SPAG16: variants seen among roughly 807,000 people sequenced by gnomAD.
SPAG16 encodes sperm-associated antigen 16 protein.
SPAG16 carries 86 observed loss-of-function variants against 80.4 expected under a neutral mutation model. The ratio of observed to expected loss-of-function variants is 1.07; its 90% CI spans 0.90 to 1.28. The LOEUF (loss-of-function observed/expected upper bound fraction) is 1.28, where lower values mean the gene tolerates loss of function less well. SPAG16 is among the 50% of genes most tolerant of loss of function. The pLI, the probability that SPAG16 is intolerant of heterozygous loss-of-function variation, is 0.00. For missense variants in SPAG16, 870 were observed against 765.3 expected (o/e 1.14, Z -1.61); for synonymous variants, 294 against 265.9 (o/e 1.11, Z -1.03).
At chr2:213,914,705 C>G (rs2077866019) in intron 11 of SPAG16, among the ~76,000 whole-genome samples, 1 of 152,110 alleles carries the variant, frequency 6.6e-6, no homozygotes, top group Admixed American at 6.6e-5. Context: ...CACAAATATA[C>G]TTTATCAGCA....
chr2:214,091,349 G>C (rs1428699400), intron 13 of SPAG16, among the ~76,000 whole-genome samples: 1 of 152,058 alleles, frequency 6.6e-6, no homozygotes, highest in African/African-American at 2.4e-5. Flanking sequence ...AAGATATTTA[G>C]CAACTTACCA....
intron 9 of SPAG16, among the ~76,000 whole-genome samples, chr2:213,412,009 C>A (rs1378019368): frequency 6.6e-6 from 1 of 152,138 alleles, no homozygotes; most frequent in Non-Finnish European, 1.5e-5. Flanking sequence ...ATGTTCAATT[C>A]TTTGCCTTTT....
chr2:214,280,049 C>T (rs566177081), intron 15 of SPAG16, among the ~76,000 whole-genome samples: 5 of 152,198 alleles, frequency 3.3e-5, no homozygotes, highest in South Asian at 4.1e-4. Context: ...ATGACACCAA[C>T]GATCACTTTA....
At chr2:214,177,906 T>TATATATAC (rs1485754817) in intron 15 of SPAG16, among the ~76,000 whole-genome samples, 13 of 92,206 alleles carry the variant, frequency 1.4e-4, no homozygotes, top group Non-Finnish European at 2.3e-4. Flanking sequence ...TATACATATA[T>TATATATAC]ATATATATAC....
At chr2:214,347,160 C>G (rs1912215) in intron 15 of SPAG16, among the ~76,000 whole-genome samples, 1 of 151,896 alleles carries the variant, frequency 6.6e-6, no homozygotes, top group Non-Finnish European at 1.5e-5. Context: ...ACCCTGGCTA[C>G]GTAGCTGTGG....
chr2:213,543,353 G>A (rs371659150), intron 10 of SPAG16, among the ~76,000 whole-genome samples: 183 of 151,876 alleles, frequency 1.2e-3, no homozygotes, highest in Middle Eastern at 3.4e-3. Context: ...AGTTTTAGAC[G>A]TTGCAAGGAA....
intron 10 of SPAG16, among the ~76,000 whole-genome samples, chr2:213,496,564 T>C (rs1275093364): frequency 6.6e-6 from 1 of 152,082 alleles, no homozygotes; most frequent in African/African-American, 2.4e-5. Context: ...AGAAATAAAG[T>C]TACTAAGTAG....
At chr2:213,827,421 C>T (rs2073370596) in intron 10 of SPAG16, among the ~76,000 whole-genome samples, 1 of 151,984 alleles carries the variant, frequency 6.6e-6, no homozygotes, top group Admixed American at 6.6e-5. Flanking sequence ...CAACTTGACA[C>T]TCTTTGCATA....
At chr2:213,980,725 TAGAGAGAGAGAG>T (rs1553686631) in intron 12 of SPAG16, among the ~76,000 whole-genome samples, 3 of 103,990 alleles carry the variant, frequency 2.9e-5, no homozygotes, top group Admixed American at 1.1e-4. Context: ...TATATATATA[TAGAGAGAGAGAG>T]AGAGAGAGAG....
Position 213,449,428 on chromosome 2 carries a change from C to T in SPAG16, c.943-40535C>T, listed in dbSNP as rs184137680. ...GAAGCATGTGATCTTTGTACCTACCCTCTGTTCTTACACCCCCTCCCCTTT... is the reference window on the plus strand; with the variant it reads ...GAAGCATGTGATCTTTGTACCTACCTTCTGTTCTTACACCCCCTCCCCTTT... On this transcript the variant is annotated intron_variant, in intron 9 of 15. Transcript: ENST00000331683. 1.6e-3 allele frequency among the ~76,000 whole-genome samples: 249 copies of T among 152,234 alleles called. 1 individual carries two copies. Among genetic ancestry groups the T allele is most frequent in the Non-Finnish European group, 2.7e-3 (181 of 68,026 alleles).
At chr2:214,026,108 TC>T (rs1490391644) in intron 13 of SPAG16, among the ~76,000 whole-genome samples, 1 of 151,518 alleles carries the variant, frequency 6.6e-6, no homozygotes, top group Admixed American at 6.6e-5. Context: ...AATTTGTTTG[TC>T]CAAAAACAGT....
chr2:213,310,969 T>C (rs2063163254), intron 4 of SPAG16, among the ~76,000 whole-genome samples: 1 of 151,828 alleles, frequency 6.6e-6, no homozygotes, highest in South Asian at 2.1e-4. Context: ...AAATTTGCAA[T>C]GTATGGATAA....
At chr2:213,478,295 T>G (rs542278625) in intron 9 of SPAG16, among the ~76,000 whole-genome samples, 1 of 152,186 alleles carries the variant, frequency 6.6e-6, no homozygotes, top group African/African-American at 2.4e-5. Context: ...CAGGTACATT[T>G]AAATTTTGTC....
At chr2:213,947,681 C>T (rs2079535373) in intron 12 of SPAG16, among the ~76,000 whole-genome samples, 1 of 151,980 alleles carries the variant, frequency 6.6e-6, no homozygotes, top group African/African-American at 2.4e-5. Flanking sequence ...GTAAGCAAAA[C>T]TAAAACAAAT....
At chr2:213,967,565 C>T (rs903453707) in intron 12 of SPAG16, among the ~76,000 whole-genome samples, 1 of 151,946 alleles carries the variant, frequency 6.6e-6, no homozygotes, top group African/African-American at 2.4e-5. Context: ...TTTTAAAGAG[C>T]TCAATACAGA....
chr2:213,803,051 C>T (rs1202896978), intron 10 of SPAG16, among the ~76,000 whole-genome samples: 1 of 151,526 alleles, frequency 6.6e-6, no homozygotes, highest in Non-Finnish European at 1.5e-5. Flanking sequence ...CTATATCTGT[C>T]TATGAAGTAG....
intron 10 of SPAG16, among the ~76,000 whole-genome samples, chr2:213,749,922 A>G (rs1559435627): frequency 6.6e-6 from 1 of 152,184 alleles, no homozygotes; most frequent in Non-Finnish European, 1.5e-5. Flanking sequence ...AGCAGAATCC[A>G]TGACTTATTA....
chr2:213,537,323 T>G (rs1454534193), intron 10 of SPAG16, among the ~76,000 whole-genome samples: 2 of 151,716 alleles, frequency 1.3e-5, no homozygotes, highest in Non-Finnish European at 2.9e-5. Flanking sequence ...AATAATAAAA[T>G]AAAACAAACA....
chr2:214,394,909 T>C (rs1161295189), intron 15 of SPAG16, among the ~76,000 whole-genome samples: 1 of 152,220 alleles, frequency 6.6e-6, no homozygotes. Context: ...GATCTTTTTA[T>C]TATCTCCATA....
Sources: allele counts gnomAD v4.1 joint callset (sites outside exome capture counted in the v4.1 genomes callset), GRCh38; gene constraint gnomAD v4.1.1; transcripts MANE v1.5; gene names NCBI Gene and HGNC (gene_info 2026-07-23, HGNC 2026-07-21).